Variants in GRM4 observed in about 807,000 individuals in gnomAD.
GRM4 encodes glutamate metabotropic receptor 4, also known as metabotropic glutamate receptor 4.
Under a neutral mutation model 81.7 loss-of-function variants are expected in GRM4, and 28 were observed. The ratio of observed to expected loss-of-function variants is 0.34; its 90% CI spans 0.25 to 0.47. The LOEUF (loss-of-function observed/expected upper bound fraction) is 0.47. Ranked by LOEUF, GRM4 falls within the 20% of genes least tolerant of loss-of-function variation. The pLI is 1.00. For missense variants in GRM4, 948 were observed against 1,290.0 expected (o/e 0.73, Z 4.06); for synonymous variants, 488 against 528.8 (o/e 0.92, Z 1.06).
At chr6:34,132,869 GGAAAAAAGGA>G in intron 2 of GRM4, 99 bp downstream of exon 2, 1 of 876,580 alleles carries the variant, frequency 1.1e-6, no homozygotes, top group South Asian at 1.7e-5. Context: ...CTTAGAGTGA[GGAAAAAAGGA>G]GGAAAAAGGG....
intron 5 of GRM4, among the ~76,000 whole-genome samples, chr6:34,058,336 T>C (rs1330979627): frequency 6.6e-6 from 1 of 152,146 alleles, no homozygotes; most frequent in African/African-American, 2.4e-5. Flanking sequence ...TCCTCAGGCC[T>C]CCGTGTCTTG....
At position 34,133,529 on chromosome 6, in the gene GRM4, G is replaced by T; in HGVS notation, c.-33C>A. 1 of 1,519,848 alleles carries T rather than the reference G, an allele frequency of 6.6e-7. No homozygotes were observed. The allele number at this position is 1,519,848 out of a possible 1,614,324, so 94.1% of individuals were successfully genotyped here. ...ATCCCTAGAGACCCATGAACGGCAG[G>T]CCCACTCCTAGCCCTGGCAGGCCCC... On this transcript the variant is annotated 5_prime_UTR_variant, in exon 2 of 11. Transcript: ENST00000538487. This position sits in a 1 kb window ranked among gnomAD's most constrained non-coding sequence, Gnocchi z 6.5.
chr6:34,155,112 G>A, exon 1 of GRM4: 1 of 1,528,910 alleles, frequency 6.5e-7, no homozygotes, highest in Admixed American at 2.0e-5. Flanking sequence ...AGCGGGGGCG[G>A]CGGGGGTCTA....
intron 3 of GRM4, among the ~76,000 whole-genome samples, chr6:34,084,520 C>T (rs935630698): frequency 6.6e-6 from 1 of 152,126 alleles, no homozygotes; most frequent in Non-Finnish European, 1.5e-5. Flanking sequence ...GGAGGAGGGG[C>T]CTTGGCTCTG....
At chr6:34,113,760 G>T (rs542633785) in intron 2 of GRM4, among the ~76,000 whole-genome samples, 12 of 152,280 alleles carry the variant, frequency 7.9e-5, no homozygotes, top group African/African-American at 2.9e-4. Context: ...TGACAGTGCT[G>T]CAAATCTGGT....
At position 34,123,528 on chromosome 6, in the gene GRM4, G is replaced by A. The variant is rs540553167; in HGVS notation, c.519+9450C>T. ...GTGATTCTGCCCATTTCCCAGCTGAGATGAGCGAGGTCCAGGAGGGTCAGA... is the reference window on the plus strand; with the variant it reads ...GTGATTCTGCCCATTTCCCAGCTGAAATGAGCGAGGTCCAGGAGGGTCAGA... On this transcript the variant is annotated intron_variant, in intron 2 of 10. Transcript: ENST00000538487. Among the ~76,000 whole-genome samples the A allele has an allele frequency of 1.4e-3, 209 of 152,314 alleles. 2 individuals carry two copies. The highest frequency in any genetic ancestry group is 2.7e-3 in the Non-Finnish European group (186 of 68,028).
chr6:34,133,592 T>G lies in GRM4; in HGVS notation c.-96A>C, dbSNP rs1770338339. 8 of 1,481,182 alleles carry G rather than the reference T, an allele frequency of 5.4e-6. No individual in the cohort carries two copies. Among genetic ancestry groups the G allele is most frequent in the Non-Finnish European group, 7.1e-6 (8 of 1,124,182 alleles). 91.8% of individuals were successfully genotyped at this position (1,481,182 alleles called of 1,614,324 possible). A position where few individuals can be genotyped will look rare whatever the true frequency, so the allele number is the denominator to read the frequency against. On this transcript the variant is annotated 5_prime_UTR_variant, in exon 2 of 11. The change abolishes the stop of an existing upstream ORF in the 5' untranslated region. Coordinates refer to ENST00000538487, the MANE Select transcript of GRM4 (RefSeq NM_000841.4). This position sits in a 1 kb window ranked among gnomAD's most constrained non-coding sequence, Gnocchi z 6.5. ...CTGGGTGGGCATGGGCAGGGCAGCT[T>G]CAGCAGCAGGGGGACTGAGGGCAGC...
rs527389845 is a variant in GRM4 at position 34,048,465 on chromosome 6, GT to G, written c.1169-7718del. ...CACACAGGAGGGGCTGGGGCTGGGG[GT>G]GGGGGAACTCTGGGGACTGACTCTC... is the stretch of plus-strand genomic sequence containing the variant. On this transcript the variant is annotated intron_variant, in intron 6 of 10. Transcript: ENST00000538487. The surrounding 1 kb of genome is among the most constrained non-coding windows in gnomAD (Gnocchi z 4.0). Among the ~76,000 whole-genome samples, 1 of 152,052 alleles carries G rather than the reference GT, an allele frequency of 6.6e-6. No individual in the cohort carries two copies. The highest frequency in any genetic ancestry group is 6.5e-5 in the Admixed American group (1 of 15,284).
intron 5 of GRM4, among the ~76,000 whole-genome samples, chr6:34,057,994 G>A (rs1765993477): frequency 6.6e-6 from 1 of 152,194 alleles, no homozygotes; most frequent in African/African-American, 2.4e-5. Context: ...ATGTGTGATG[G>A]GGTAAGAGCT....
chr6:34,109,656 A>G (rs1450980868), intron 2 of GRM4, among the ~76,000 whole-genome samples: 1 of 152,012 alleles, frequency 6.6e-6, no homozygotes, highest in East Asian at 1.9e-4. Context: ...GCCTTTAACC[A>G]TAGACTCTTA....
At chr6:34,046,233 T>C (rs575332210) in intron 6 of GRM4, among the ~76,000 whole-genome samples, 130 of 152,288 alleles carry the variant, frequency 8.5e-4, no homozygotes, top group Non-Finnish European at 1.7e-3. Flanking sequence ...TCTGCATGCA[T>C]AGAGTAGCAA....
chr6:34,076,056 G>A (rs1404088943), intron 3 of GRM4, among the ~76,000 whole-genome samples: 1 of 152,260 alleles, frequency 6.6e-6, no homozygotes, highest in African/African-American at 2.4e-5. Flanking sequence ...CCGAGGCACA[G>A]TCAGGCCAGC....
chr6:34,082,250 T>A (rs1767642460), intron 3 of GRM4, among the ~76,000 whole-genome samples: 1 of 152,080 alleles, frequency 6.6e-6, no homozygotes, highest in African/African-American at 2.4e-5. Context: ...GGATTCCAGT[T>A]TAGAGATTTG....
rs1257027424 is a variant in GRM4, at chr6:34,130,557, T to C, written c.519+2421A>G. ...ACCCCACCCTGGCCCTTCCCCATGCTGGGAGAGGTTAGCACAGCAGCTGCA... is the reference window on the plus strand; with the variant it reads ...ACCCCACCCTGGCCCTTCCCCATGCCGGGAGAGGTTAGCACAGCAGCTGCA... On this transcript the variant is annotated intron_variant, in intron 2 of 10. Coordinates refer to ENST00000538487, the MANE Select transcript of GRM4 (RefSeq NM_000841.4). This position sits in a 1 kb window ranked among gnomAD's most constrained non-coding sequence, Gnocchi z 4.1. Among the ~76,000 whole-genome samples, 1 of 152,142 alleles carries C rather than the reference T, an allele frequency of 6.6e-6. No homozygotes were observed. The highest frequency in any genetic ancestry group is 1.5e-5 in the Non-Finnish European group (1 of 68,002).
chr6:34,092,124 G>C lies in GRM4; in HGVS notation c.520-25C>G. 6.5e-7 allele frequency: 1 copy of C among 1,529,620 alleles called. No homozygotes were observed. The highest frequency in any genetic ancestry group is 9.0e-7 in the Non-Finnish European group (1 of 1,113,018). The allele number at this position is 1,529,620 out of a possible 1,614,324, so 94.8% of individuals were successfully genotyped here. On this transcript the variant is annotated intron_variant, in intron 2 of 10. Transcript: ENST00000538487. This position sits in a 1 kb window ranked among gnomAD's most constrained non-coding sequence, Gnocchi z 6.8. Reference sequence around the variant, plus strand: ...TCTGAGGGGCGAGAGGGGCTGCTGAGGGTGGCGACTGGCTCCCCACCCTGC... The same window carrying C: ...TCTGAGGGGCGAGAGGGGCTGCTGACGGTGGCGACTGGCTCCCCACCCTGC...
chr6:34,083,067 A>T (rs1435367350), intron 3 of GRM4, among the ~76,000 whole-genome samples: 1 of 152,228 alleles, frequency 6.6e-6, no homozygotes, highest in East Asian at 1.9e-4. Context: ...TCCTGTCAGG[A>T]GGGAAGAGAT....
chr6:34,027,848 C>T (rs1454322207), intron 10 of GRM4, among the ~76,000 whole-genome samples: 2 of 152,200 alleles, frequency 1.3e-5, no homozygotes, highest in African/African-American at 4.8e-5. Flanking sequence ...CCTGGAAGGG[C>T]GCTGCTAGGG....
At chr6:34,050,578 G>A (rs371570499) in intron 6 of GRM4, among the ~76,000 whole-genome samples, 47 of 152,296 alleles carry the variant, frequency 3.1e-4, no homozygotes, top group African/African-American at 8.9e-4. Flanking sequence ...CTGCAGAAAC[G>A]TGAGCCAAAT....
At chr6:34,027,966 C>T (rs1188478463) in intron 10 of GRM4, among the ~76,000 whole-genome samples, 154 bp downstream of exon 10, 1 of 152,212 alleles carries the variant, frequency 6.6e-6, no homozygotes, top group East Asian at 1.9e-4. Flanking sequence ...TGGCTCCCAC[C>T]TGTAGCCTCA....
Sources: allele counts gnomAD v4.1 joint callset (sites outside exome capture counted in the v4.1 genomes callset), GRCh38; gene constraint gnomAD v4.1.1; non-coding constraint Gnocchi (gnomAD v3.1); transcripts MANE v1.5; gene names NCBI Gene and HGNC (gene_info 2026-07-23, HGNC 2026-07-21).